DYNC1H1: variants seen among roughly 807,000 people sequenced by gnomAD.
The protein encoded by DYNC1H1 is dynein cytoplasmic 1 heavy chain 1.
A neutral mutation model predicts 527.1 loss-of-function variants in DYNC1H1; 51 were observed. The observed-to-expected ratio is 0.10, with a 90% CI of 0.08 to 0.12. The LOEUF (loss-of-function observed/expected upper bound fraction) is 0.12, where lower values mean the gene tolerates loss of function less well. DYNC1H1 is among the 10% of genes least tolerant of loss of function. The pLI is 1.00. For synonymous variants in DYNC1H1, 2,189 were observed against 2,278.8 expected (o/e 0.96, Z 1.12); for missense variants, 2,771 against 5,971.8 (o/e 0.46, Z 17.66).
At chr14:102,048,439 G>A (rs756312667) in intron 73 of DYNC1H1, 77 bp from the exon 74 acceptor site, 272 of 1,599,272 alleles carry the variant, frequency 1.7e-4, no homozygotes, top group African/African-American at 9.0e-4. Context: ...CCCGGAGGCC[G>A]AGTTACTTCT....
At chr14:101,966,296 G>A (rs1041915046) in intron 1 of DYNC1H1, among the ~76,000 whole-genome samples, 7 of 152,018 alleles carry the variant, frequency 4.6e-5, no homozygotes, top group Non-Finnish European at 7.4e-5. Flanking sequence ...TTATATCCAC[G>A]TGGAATGTTC....
chr14:102,040,732 A>G, intron 64 of DYNC1H1, 59 bp downstream of exon 64: 1 of 1,586,276 alleles, frequency 6.3e-7, no homozygotes, highest in East Asian at 2.2e-5. Flanking sequence ...TTTGCTGCTT[A>G]AAGGGATGCT....
At chr14:102,024,800 G>C (rs1199513691) in intron 43 of DYNC1H1, among the ~76,000 whole-genome samples, 1 of 148,220 alleles carries the variant, frequency 6.7e-6, no homozygotes, top group Admixed American at 6.9e-5. Context: ...GTTCACCCCA[G>C]TCTCCTGCCT....
At position 102,049,809 on chromosome 14, in the gene DYNC1H1, G is replaced by A. The variant is rs758790697; in HGVS notation, c.13611G>A (p.Glu4537=). 6 of 1,613,912 alleles carry A rather than the reference G, an allele frequency of 3.7e-6. No homozygotes were observed. Among genetic ancestry groups the A allele is most frequent in the Non-Finnish European group, 5.1e-6 (6 of 1,180,030 alleles). ...CCCAGGCCAACAGCTGGTCCCTGGAGGAGCTCTGCCTGGAAGTCAACGTCA... is the reference window on the plus strand; with the variant it reads ...CCCAGGCCAACAGCTGGTCCCTGGAAGAGCTCTGCCTGGAAGTCAACGTCA... ...YVAQANSWSL[E]ELCLEVNVTT... The change falls in exon 76 of 78, where the codon GAG becomes GAA. Residue 4537 remains glutamate (E), a synonymous_variant. Coordinates refer to ENST00000360184, the MANE Select transcript of DYNC1H1 (RefSeq NM_001376.5). The surrounding 1 kb of genome is among the most constrained non-coding windows in gnomAD (Gnocchi z 5.5).
In DYNC1H1 at chr14:101,986,031, C is replaced by T. The variant is rs145526188; in HGVS notation, c.1806C>T (p.Arg602=). The T allele has an allele frequency of 9.3e-6, 15 of 1,614,080 alleles. No homozygotes were observed. The Middle Eastern group carries it at 1.2e-3, about 124-fold the overall frequency. The change falls in exon 8 of 78, where the codon CGC becomes CGT. Residue 602 remains arginine, a synonymous_variant. Coordinates refer to ENST00000360184, the MANE Select transcript of DYNC1H1 (RefSeq NM_001376.5). The surrounding 1 kb of genome is among the most constrained non-coding windows in gnomAD (Gnocchi z 8.7). The part of the protein sequence containing the change: ...FVRPHIRGAI[R]EYQTQLIQRV... ...GGCCTCACATCCGTGGGGCCATTCG[C>T]GAATACCAGACCCAGCTGATCCAGC... is the stretch of plus-strand genomic sequence containing the variant.
In DYNC1H1 at chr14:101,985,392, T is replaced by C. The variant is rs1382866654; in HGVS notation, c.1462-295T>C. Reference sequence around the variant, plus strand: ...CAGGCTGGAGTGCAGTGGCGTGATCTTGGCTCACTGCAACCTCTGCCTCCC... The same window carrying C: ...CAGGCTGGAGTGCAGTGGCGTGATCCTGGCTCACTGCAACCTCTGCCTCCC... On this transcript the variant is annotated intron_variant, in intron 7 of 77. Coordinates refer to ENST00000360184, the MANE Select transcript of DYNC1H1 (RefSeq NM_001376.5). The surrounding 1 kb of genome is among the most constrained non-coding windows in gnomAD (Gnocchi z 5.9). Among the ~76,000 whole-genome samples the C allele has an allele frequency of 1.3e-5, 2 of 152,300 alleles. No individual in the cohort carries two copies. Among genetic ancestry groups the C allele is most frequent in the East Asian group, 3.9e-4 (2 of 5,176 alleles).
Position 101,993,781 on chromosome 14 carries a change from C to G in DYNC1H1, c.3016-403C>G, listed in dbSNP as rs559141022. On this transcript the variant is annotated intron_variant, in intron 11 of 77. Coordinates refer to ENST00000360184, the MANE Select transcript of DYNC1H1 (RefSeq NM_001376.5). ...TTGCTCCGTAGTTCTCTCTCACCAC[C>G]TGACATTCTGTGTGTTTTGCTTATT... Among the ~76,000 whole-genome samples the G allele has an allele frequency of 9.8e-5, 15 of 152,332 alleles. No individual in the cohort carries two copies. The South Asian group carries it at 3.1e-3, about 32-fold the overall frequency.
In DYNC1H1 at chr14:102,044,064, A is replaced by G. The variant is rs377124918; in HGVS notation, c.12684+19A>G. On this transcript the variant is annotated intron_variant, in intron 70 of 77. Transcript: ENST00000360184. This position sits in a 1 kb window ranked among gnomAD's most constrained non-coding sequence, Gnocchi z 7.1. ...GGCCAAGGCAAGTGTGGGCCATGCC[A>G]GGACAGACAGTGGACGTGTATCTGG... 175 of 1,612,978 alleles carry G rather than the reference A, an allele frequency of 1.1e-4. 1 individual carries two copies. In the African/African-American group the frequency reaches 2.2e-3, roughly 21 times the overall value.
At chr14:102,043,591 CTGTTCTATTT>C (rs2152597291) in intron 69 of DYNC1H1, 2 of 470,934 alleles carry the variant, frequency 4.2e-6, no homozygotes, top group Non-Finnish European at 7.8e-6. Flanking sequence ...TCTGTCAATT[CTGTTCTATTT>C]TGTGCCACAT....
chr14:102,026,108 C>CAAAA (rs530665556), intron 43 of DYNC1H1, among the ~76,000 whole-genome samples: 1 of 71,982 alleles, frequency 1.4e-5, no homozygotes, highest in African/African-American at 5.3e-5. Context: ...AGCGAGGCTA[C>CAAAA]AAAAAAAAAA....
intron 1 of DYNC1H1, among the ~76,000 whole-genome samples, chr14:101,968,283 G>GGGTTT (rs1417632721): frequency 2.1e-5 from 3 of 140,818 alleles, no homozygotes; most frequent in African/African-American, 8.4e-5. Context: ...GGTGGGGAAA[G>GGGTTT]GGTTTTGTTT....
rs755815502 is a variant in DYNC1H1, at chr14:102,041,780, A to G, written c.12102+46A>G. 3 of 1,610,968 alleles carry G rather than the reference A, an allele frequency of 1.9e-6. No homozygotes were observed. The highest frequency in any genetic ancestry group is 2.5e-6 in the Non-Finnish European group (3 of 1,179,578). On this transcript the variant is annotated intron_variant, in intron 65 of 77. Coordinates refer to ENST00000360184, the MANE Select transcript of DYNC1H1 (RefSeq NM_001376.5). The surrounding 1 kb of genome is among the most constrained non-coding windows in gnomAD (Gnocchi z 4.5). ...GGGCTTCCCACGAGACTCCATGCCC[A>G]CCTCCCCAGCCACAGGTGGCAGCAG...
chr14:101,990,029 A>G (rs1385492207), intron 10 of DYNC1H1, among the ~76,000 whole-genome samples: 1 of 152,238 alleles, frequency 6.6e-6, no homozygotes, highest in Non-Finnish European at 1.5e-5. Flanking sequence ...GCAATCGGCC[A>G]TGCCACATAG....
Position 101,965,032 on chromosome 14 carries a change from C to T in DYNC1H1, c.256+85C>T. On this transcript the variant is annotated intron_variant, in intron 1 of 77. Coordinates refer to ENST00000360184, the MANE Select transcript of DYNC1H1 (RefSeq NM_001376.5). This position sits in a 1 kb window ranked among gnomAD's most constrained non-coding sequence, Gnocchi z 4.1. The stretch of plus-strand genomic sequence containing the variant: ...CAGGTCCTCCGGGGTCGCAGATGTC[C>T]CCGGGATGGGAGGAGCCCGGCAGCT... 1 of 1,425,516 alleles carries T rather than the reference C, an allele frequency of 7.0e-7. No individual in the cohort carries two copies. Among genetic ancestry groups the T allele is most frequent in the Non-Finnish European group, 9.5e-7 (1 of 1,056,484 alleles). 88.3% of individuals were successfully genotyped at this position (1,425,516 alleles called of 1,614,324 possible). A position where few individuals can be genotyped will look rare whatever the true frequency, so the allele number is the denominator to read the frequency against.
intron 1 of DYNC1H1, among the ~76,000 whole-genome samples, chr14:101,973,183 C>G (rs554557992): frequency 6.4e-4 from 97 of 151,200 alleles, no homozygotes; most frequent in Non-Finnish European, 1.2e-3. Context: ...ATTATTGTCT[C>G]TCGATAGATA....
chr14:102,041,369 C>T lies in DYNC1H1; in HGVS notation c.11942-205C>T. On this transcript the variant is annotated intron_variant, in intron 64 of 77. Coordinates refer to ENST00000360184, the MANE Select transcript of DYNC1H1 (RefSeq NM_001376.5). The surrounding 1 kb of genome is among the most constrained non-coding windows in gnomAD (Gnocchi z 4.5). The stretch of plus-strand genomic sequence containing the variant: ...AAATGGCACCTTTGTCCTATGGATA[C>T]ATCCAGGTAGTAAGGTGTTCTCACA... 1 of 740,910 alleles carries T rather than the reference C, an allele frequency of 1.3e-6. No individual in the cohort carries two copies. Among genetic ancestry groups the T allele is most frequent in the South Asian group, 1.6e-5 (1 of 61,964 alleles). 45.9% of individuals were successfully genotyped at this position (740,910 alleles called of 1,614,324 possible). A position where few individuals can be genotyped will look rare whatever the true frequency, so the allele number is the denominator to read the frequency against.
In DYNC1H1 at chr14:102,044,712, A is replaced by T; in HGVS notation, c.13006+14A>T. On this transcript the variant is annotated intron_variant, in intron 72 of 77. Coordinates refer to ENST00000360184, the MANE Select transcript of DYNC1H1 (RefSeq NM_001376.5). The surrounding 1 kb of genome is among the most constrained non-coding windows in gnomAD (Gnocchi z 7.1). ...TTACCACACAGGGTAGGCAACAAGG[A>T]TCCTCCCCACACGCAGGGTGGGTGG... is the stretch of plus-strand genomic sequence containing the variant. 6.2e-7 allele frequency: 1 copy of T among 1,613,022 alleles called. No homozygotes were observed. The highest frequency in any genetic ancestry group is 8.5e-7 in the Non-Finnish European group (1 of 1,179,906).
chr14:102,009,659 C>T, intron 29 of DYNC1H1, 184 bp from the exon 30 acceptor site: 1 of 871,244 alleles, frequency 1.1e-6, no homozygotes, highest in Non-Finnish European at 1.7e-6. Context: ...AATGGGTCCA[C>T]CTGGGCTGGG....
chr14:102,029,498 A>C lies in DYNC1H1; in HGVS notation c.9469-41A>C. 6.2e-7 allele frequency: 1 copy of C among 1,613,850 alleles called. No homozygotes were observed. The highest frequency in any genetic ancestry group is 2.2e-5 in the East Asian group (1 of 44,884). On this transcript the variant is annotated intron_variant, in intron 48 of 77. Transcript: ENST00000360184. The surrounding 1 kb of genome is among the most constrained non-coding windows in gnomAD (Gnocchi z 5.3). ...ATTGTTTTCTGAGGTTAAGTCACAG[A>C]GTTTCCTGAAGAGTGAGAAGATGTA...
Sources: allele counts gnomAD v4.1 joint callset (sites outside exome capture counted in the v4.1 genomes callset), GRCh38; gene constraint gnomAD v4.1.1; non-coding constraint Gnocchi (gnomAD v3.1); transcripts MANE v1.5; gene names NCBI Gene and HGNC (gene_info 2026-07-23, HGNC 2026-07-21).